Variants in PDHA1 observed in about 807,000 individuals in gnomAD.
The protein encoded by PDHA1 is pyruvate dehydrogenase E1 component subunit alpha, somatic form, mitochondrial.
Under a neutral mutation model 33.0 loss-of-function variants are expected in PDHA1, and 1 was observed. The observed-to-expected ratio is 0.03, with a 90% CI of 0.01 to 0.14. The LOEUF (loss-of-function observed/expected upper bound fraction) is 0.14. PDHA1 is among the 10% of genes least tolerant of loss of function. The probability of loss-of-function intolerance (pLI) is 1.00; values close to 1 mark genes in which losing one functional copy is unlikely to be tolerated. For missense variants in PDHA1, 168 were observed against 325.1 expected, an observed-to-expected ratio of 0.52 and a Z score of 3.72; for synonymous variants, 123 against 119.2, an observed-to-expected ratio of 1.03 and a Z score of -0.21.
At chrX:19,352,808 A>G in intron 4 of PDHA1, 1 of 397,554 alleles carries the variant, frequency 2.5e-6, no homozygotes, top group Non-Finnish European at 4.4e-6. Context: ...GTAACTGGCC[A>G]GAAAACCCAG....
chrX:19,353,477 G>A (rs2063176105), intron 5 of PDHA1: 1 of 371,390 alleles, frequency 2.7e-6, no homozygotes, highest in Admixed American at 4.3e-5. Context: ...CCTAGGAGCA[G>A]TAGGCTCTAC....
At chrX:19,349,652 G>T (rs898392950) in intron 2 of PDHA1, among the ~76,000 whole-genome samples, 1 of 112,314 alleles carries the variant, frequency 8.9e-6, no homozygotes, top group African/African-American at 3.2e-5. Context: ...TGAATAAGAA[G>T]AGTCTTAGTT....
chrX:19,351,637 C>T (rs2147176335), intron 4 of PDHA1: 1 of 375,990 alleles, frequency 2.7e-6, no homozygotes, highest in East Asian at 4.4e-5. Flanking sequence ...TATAAAATCA[C>T]AGTAGGTTTG....
chrX:19,347,999 C>T (rs2063144240), intron 1 of PDHA1, among the ~76,000 whole-genome samples: 1 of 112,357 alleles, frequency 8.9e-6, no homozygotes. Flanking sequence ...TTGGCTTGTA[C>T]ACTCCAGGGT....
chrX:19,358,010 G>A (rs1257004630), intron 9 of PDHA1, among the ~76,000 whole-genome samples: 1 of 111,899 alleles, frequency 8.9e-6, no homozygotes, highest in Admixed American at 9.5e-5. Flanking sequence ...TGATGGTAGT[G>A]TAGTATCTTG....
chrX:19,359,503 A>C lies in PDHA1; in HGVS notation c.1023A>C (p.Glu341Asp). Reference sequence around the variant, plus strand: ...CTAATTTTTAGGAAATTGATGTGGAAGTGAGGAAGGAGATTGAGGATGCTG... The same window carrying C: ...CTAATTTTTAGGAAATTGATGTGGACGTGAGGAAGGAGATTGAGGATGCTG... The part of the protein sequence containing the change: ...SVEELKEIDV[E>D]VRKEIEDAAQ... Residue 341 changes from glutamate to aspartate, a missense_variant, in exon 11 of 11, where the codon GAA (glutamate) becomes GAC (aspartate). Glu to Asp is a conservative substitution (Grantham distance 45, BLOSUM62 2). Transcript: ENST00000422285. The C allele has an allele frequency of 8.3e-7, 1 of 1,209,753 alleles. No homozygotes were observed. The highest frequency in any genetic ancestry group is 1.1e-6 in the Non-Finnish European group (1 of 893,712).
chrX:19,359,013 G>A lies in PDHA1; in HGVS notation c.997G>A (p.Glu333Lys). The A allele has an allele frequency of 8.6e-7, 1 of 1,157,707 alleles. No individual in the cohort carries two copies. The highest frequency in any genetic ancestry group is 1.2e-6 in the Non-Finnish European group (1 of 846,244). Reference sequence around the variant, plus strand: ...GGTGAACAGCAATCTTGCCAGTGTGGAAGAACTAAAGGTACAGTCACTTGT... The same window carrying A: ...GGTGAACAGCAATCTTGCCAGTGTGAAAGAACTAAAGGTACAGTCACTTGT... ...RMVNSNLASVEELKEIDVEVR... is the reference protein window; with the variant it reads ...RMVNSNLASVKELKEIDVEVR... The change falls in exon 10 of 11, where the codon GAA becomes AAA. Residue 333 changes from glutamate to lysine, a missense_variant. Physicochemically the swap from Glu to Lys is moderately conservative, Grantham distance 56. Coordinates refer to ENST00000422285, the MANE Select transcript of PDHA1 (RefSeq NM_000284.4).
At chrX:19,357,602 C>T in intron 8 of PDHA1, 50 bp from the exon 9 acceptor site, 1 of 1,049,310 alleles carries the variant, frequency 9.5e-7, no homozygotes, top group South Asian at 1.9e-5. Context: ...CCGGCCTGTT[C>T]TTCCAGTCAT....
rs749333596 is a variant in PDHA1 at position 19,355,686 on chromosome X, G to C, written c.760G>C (p.Val254Leu). The C allele has an allele frequency of 8.3e-6, 10 of 1,205,683 alleles. No homozygotes were observed. The highest frequency in any genetic ancestry group is 1.1e-5 in the Non-Finnish European group (10 of 890,007). Residue 254 changes from valine to leucine, a missense_variant and splice_region_variant, in exon 8 of 11, where the codon GTG (valine) becomes CTG (leucine). Around this residue, in one of 5 missense-constraint regions of PDHA1, gnomAD observed 27 missense variants for 43.8 expected, o/e 0.62. Coordinates refer to ENST00000422285, the MANE Select transcript of PDHA1 (RefSeq NM_000284.4). Reference sequence around the variant, plus strand: ...TCGCCCCTCCCCTGTTTATTACCAGGTGGATGGAATGGATATCCTGTGCGT... The same window carrying C: ...TCGCCCCTCCCCTGTTTATTACCAGCTGGATGGAATGGATATCCTGTGCGT... ...KRGDFIPGLR[V>L]DGMDILCVRE... is the part of the protein sequence containing the mutation.
chrX:19,357,493 C>T, intron 8 of PDHA1, 159 bp from the exon 9 acceptor site: 1 of 552,353 alleles, frequency 1.8e-6, no homozygotes, highest in East Asian at 3.3e-5. Context: ...GAAATGAGAA[C>T]AGATCAGTCA....
chrX:19,356,019 T>G (rs1397355750), intron 8 of PDHA1, among the ~76,000 whole-genome samples: 1 of 111,936 alleles, frequency 8.9e-6, no homozygotes, highest in Non-Finnish European at 1.9e-5. Flanking sequence ...CTGATTTGCC[T>G]TTTCCTTAGG....
rs2063253280 is a variant in PDHA1, at chrX:19,359,767, C to CATTAAGTGTGTAGATTG, written c.*116_*132dup. Reference sequence around the variant, plus strand: ...ATTCAATGAAATTCTTGGAAACTTCCATTAAGTGTGTAGATTGAGCAGGTA... The same window carrying CATTAAGTGTGTAGATTG: ...ATTCAATGAAATTCTTGGAAACTTCCATTAAGTGTGTAGATTGATTAAGTGTGTAGATTGAGCAGGTA... On this transcript the variant is annotated 3_prime_UTR_variant, in exon 11 of 11. Transcript: ENST00000422285. 3 of 688,916 alleles carry CATTAAGTGTGTAGATTG rather than the reference C, an allele frequency of 4.4e-6. No individual in the cohort carries two copies. The highest frequency in any genetic ancestry group is 6.8e-6 in the Non-Finnish European group (3 of 440,257). The allele number at this position is 688,916 out of a possible 1,213,427, so 56.8% of individuals were successfully genotyped here.
chrX:19,356,103 T>C (rs1049972653), intron 8 of PDHA1, among the ~76,000 whole-genome samples: 3 of 111,186 alleles, frequency 2.7e-5, no homozygotes, highest in African/African-American at 9.8e-5. Context: ...ATCCCCACAG[T>C]GTCCAGCATA....
At chrX:19,357,837 C>CAGTT in intron 9 of PDHA1, 118 bp downstream of exon 9, 1 of 581,875 alleles carries the variant, frequency 1.7e-6, no homozygotes, top group Non-Finnish European at 3.0e-6. Flanking sequence ...TTCATGTACG[C>CAGTT]AGTTGTGTTG....
intron 8 of PDHA1, 49 bp downstream of exon 8, chrX:19,355,806 C>CAAAG (rs1463422046): frequency 1.1e-6 from 1 of 936,725 alleles, no homozygotes; most frequent in African/African-American, 2.0e-5. Context: ...TCTGGAAGTT[C>CAAAG]AAAGACTGCC....
chrX:19,355,552 A>G (rs776832103), intron 7 of PDHA1, 48 bp downstream of exon 7: 42 of 1,175,173 alleles, frequency 3.6e-5, no homozygotes, highest in Non-Finnish European at 4.7e-5. Flanking sequence ...GGCCAAGGGT[A>G]TGTCCTTGTG....
intron 1 of PDHA1, among the ~76,000 whole-genome samples, chrX:19,344,408 G>A (rs1385724602): frequency 8.8e-6 from 1 of 113,225 alleles, no homozygotes; most frequent in Non-Finnish European, 1.9e-5. Flanking sequence ...GGAAAGGGTG[G>A]CCTCGGCCTC....
intron 8 of PDHA1, chrX:19,357,263 TTTTG>T (rs2147183838): frequency 4.6e-6 from 1 of 216,248 alleles, no homozygotes; most frequent in East Asian, 1.2e-4. Context: ...CCTGGCTAAT[TTTTG>T]TATTTTTTGA....
chrX:19,344,140 G>C (rs781176856), intron 1 of PDHA1, 46 bp downstream of exon 1: 10 of 1,109,513 alleles, frequency 9.0e-6, no homozygotes, highest in Non-Finnish European at 1.2e-5. Context: ...GTGGGGCTGA[G>C]GCGGGGCCGG....
Sources: allele counts gnomAD v4.1 joint callset (sites outside exome capture counted in the v4.1 genomes callset), GRCh38; gene constraint gnomAD v4.1.1; regional missense constraint gnomAD v4.1.1; transcripts MANE v1.5; gene names NCBI Gene and HGNC (gene_info 2026-07-23, HGNC 2026-07-21).